The following NRG1 variants were observed in gnomAD, a reference collection of about 807,000 sequenced individuals.
NRG1 encodes the protein pro-neuregulin-1, membrane-bound isoform.
NRG1 carries 18 observed loss-of-function variants against 63.8 expected under a neutral mutation model. The ratio of observed to expected loss-of-function variants is 0.28; its 90% CI spans 0.19 to 0.42. NRG1 has a LOEUF of 0.42. Among genes scored for constraint, NRG1 ranks in the 10% least tolerant of loss-of-function variants. The pLI, the probability that NRG1 is intolerant of heterozygous loss-of-function variation, is 1.00. For missense variants in NRG1, 762 were observed against 814.7 expected (o/e 0.94, Z 0.79); for synonymous variants, 302 against 301.3 (o/e 1.00, Z -0.02).
Position 32,087,478 on chromosome 8 carries a change from C to CTTTCTTTT in NRG1, c.37+448051_37+448058dup, listed in dbSNP as rs1424055750. Reference sequence around the variant, plus strand: ...TTACCCAGCCTCAGGTATTTCTTTTCTTTCTTTTTTTTTTTTTTTTTGAGA... The same window carrying CTTTCTTTT: ...TTACCCAGCCTCAGGTATTTCTTTTCTTTCTTTTTTTCTTTTTTTTTTTTTTTTTGAGA... On this transcript the variant is annotated intron_variant, in intron 1 of 10. Transcript: ENST00000519301. 2.8e-4 allele frequency among the ~76,000 whole-genome samples: 8 copies of CTTTCTTTT among 28,802 alleles called. 1 individual carries two copies. Among genetic ancestry groups the CTTTCTTTT allele is most frequent in the African/African-American group, 5.6e-4 (8 of 14,386 alleles). 18.9% of individuals were successfully genotyped at this position (28,802 alleles called of 152,430 possible).
At chr8:31,838,075 T>C (rs1374148969) in intron 1 of NRG1, among the ~76,000 whole-genome samples, 1 of 152,148 alleles carries the variant, frequency 6.6e-6, no homozygotes, top group Non-Finnish European at 1.5e-5. Context: ...AGTACTGATT[T>C]ACATTCCCAC....
At chr8:32,315,829 A>G (rs895148776) in intron 1 of NRG1, among the ~76,000 whole-genome samples, 1 of 152,242 alleles carries the variant, frequency 6.6e-6, no homozygotes, top group African/African-American at 2.4e-5. Context: ...CACAGAGGAA[A>G]AAAACACATA....
intron 1 of NRG1, among the ~76,000 whole-genome samples, chr8:31,857,565 C>G (rs185212999): frequency 1.4e-4 from 22 of 152,324 alleles, no homozygotes; most frequent in Non-Finnish European, 2.6e-4. Flanking sequence ...GCAGAAATCA[C>G]CCGTCTTCTG....
At chr8:32,182,061 T>C (rs1298556314) in intron 1 of NRG1, among the ~76,000 whole-genome samples, 2 of 152,182 alleles carry the variant, frequency 1.3e-5, no homozygotes, top group Admixed American at 1.3e-4. Context: ...TTCAGTTCCA[T>C]ATGAAGTCAG....
At chr8:32,033,091 ATTTTTTTTT>A (rs898802902) in intron 1 of NRG1, among the ~76,000 whole-genome samples, 1 of 111,610 alleles carries the variant, frequency 9.0e-6, no homozygotes, top group Non-Finnish European at 1.9e-5. Context: ...TGTGCAGTCT[ATTTTTTTTT>A]TTTTTTTTTT....
At chr8:32,396,187 AT>A (rs966954983) in intron 1 of NRG1, among the ~76,000 whole-genome samples, 1 of 151,804 alleles carries the variant, frequency 6.6e-6, no homozygotes, top group Admixed American at 6.6e-5. Flanking sequence ...CTTTTTAGAC[AT>A]TTTTTTTGGC....
At chr8:32,051,900 C>T (rs564037099) in intron 1 of NRG1, among the ~76,000 whole-genome samples, 1 of 152,066 alleles carries the variant, frequency 6.6e-6, no homozygotes, top group Non-Finnish European at 1.5e-5. Context: ...ATATTTGCAG[C>T]GGGGAGGTGG....
At chr8:32,601,925 T>C (rs1844432306) in intron 2 of NRG1, among the ~76,000 whole-genome samples, 1 of 152,184 alleles carries the variant, frequency 6.6e-6, no homozygotes, top group South Asian at 2.1e-4. Flanking sequence ...AATGGGTTAA[T>C]AATAAGCATG....
At chr8:32,477,911 A>G (rs1824731355) in intron 1 of NRG1, among the ~76,000 whole-genome samples, 1 of 152,216 alleles carries the variant, frequency 6.6e-6, no homozygotes, top group Admixed American at 6.5e-5. Flanking sequence ...GAAACAAGTC[A>G]GTTTCCCTCT....
intron 5 of NRG1, among the ~76,000 whole-genome samples, chr8:32,676,165 C>T (rs1171726880): frequency 6.6e-6 from 1 of 152,138 alleles, no homozygotes; most frequent in African/African-American, 2.4e-5. Context: ...TTTTAGTGGC[C>T]ACCTAACTGA....
At chr8:32,431,739 G>T (rs1818174962) in intron 1 of NRG1, among the ~76,000 whole-genome samples, 1 of 148,452 alleles carries the variant, frequency 6.7e-6, no homozygotes, top group Non-Finnish European at 1.5e-5. Context: ...ATCTCTCAGG[G>T]TTTTTTTTTT....
intron 1 of NRG1, among the ~76,000 whole-genome samples, chr8:31,793,906 C>T (rs1820948007): frequency 6.6e-6 from 1 of 152,096 alleles, no homozygotes; most frequent in African/African-American, 2.4e-5. Flanking sequence ...TCTCTCCATT[C>T]TTTCTTCCCT....
rs998250123 is a variant in NRG1 at position 32,022,235 on chromosome 8, G to C, written c.37+382804G>C. ...ACATTAGGTAAAGAGAGAGTTTTTT[G>C]CTTGACTTATTGCTTAAGTCAGAGC... On this transcript the variant is annotated intron_variant, in intron 1 of 10. Transcript: ENST00000519301. Among the ~76,000 whole-genome samples the C allele has an allele frequency of 2.0e-5, 3 of 152,156 alleles. No individual in the cohort carries two copies. In the East Asian group the frequency reaches 5.8e-4, roughly 29 times the overall value.
At chr8:32,109,066 G>A (rs766568323) in intron 1 of NRG1, among the ~76,000 whole-genome samples, 1 of 152,054 alleles carries the variant, frequency 6.6e-6, no homozygotes, top group Non-Finnish European at 1.5e-5. Flanking sequence ...CAACATCTTT[G>A]GTGTAATTAA....
At chr8:32,660,741 C>T (rs1802651513) in intron 5 of NRG1, among the ~76,000 whole-genome samples, 1 of 152,206 alleles carries the variant, frequency 6.6e-6, no homozygotes, top group African/African-American at 2.4e-5. Context: ...AATAACTATA[C>T]TTTCCTCAGG....
At chr8:32,293,874 A>G (rs906383662) in intron 1 of NRG1, among the ~76,000 whole-genome samples, 2 of 151,914 alleles carry the variant, frequency 1.3e-5, no homozygotes, top group African/African-American at 4.8e-5. Context: ...AACTGCTATC[A>G]TGCCCAGCTA....
intron 1 of NRG1, among the ~76,000 whole-genome samples, chr8:32,346,079 AC>A: frequency 6.8e-6 from 1 of 147,776 alleles, no homozygotes; most frequent in Admixed American, 6.8e-5. Flanking sequence ...TATAATATAT[AC>A]TATAATTTAT....
At chr8:31,904,555 T>C in intron 1 of NRG1, among the ~76,000 whole-genome samples, 1 of 152,214 alleles carries the variant, frequency 6.6e-6, no homozygotes, top group Non-Finnish European at 1.5e-5. Context: ...TAAATCATTC[T>C]ACCATAAAGA....
intron 1 of NRG1, among the ~76,000 whole-genome samples, chr8:31,885,574 C>T (rs1830655200): frequency 6.6e-6 from 1 of 152,114 alleles, no homozygotes; most frequent in Non-Finnish European, 1.5e-5. Context: ...ATAGCTTCTG[C>T]TTCCCGCAGT....
Sources: gnomAD v4.1 joint callset for allele counts (sites outside exome capture counted in the v4.1 genomes callset) on GRCh38, gnomAD v4.1.1 for gene constraint, MANE v1.5 for transcripts, NCBI Gene and HGNC (gene_info 2026-07-23, HGNC 2026-07-21) for gene names.